PUM1: variants seen among roughly 807,000 people sequenced by gnomAD.
PUM1 encodes the protein pumilio RNA binding family member 1.
A neutral mutation model predicts 131.8 loss-of-function variants in PUM1; 13 were observed. That is an observed-to-expected ratio of 0.10 (90% confidence interval 0.06 to 0.16). PUM1 has a LOEUF of 0.16. PUM1 is among the 10% of genes least tolerant of loss of function. The pLI is 1.00. For synonymous variants in PUM1, 509 were observed against 556.5 expected (o/e 0.91, Z 1.20); for missense variants, 961 against 1,512.4 (o/e 0.64, Z 6.05).
rs1285706569 is a variant in PUM1, at chr1:30,966,057, T to C, written c.2011A>G (p.Thr671Ala). The C allele has an allele frequency of 3.1e-6, 5 of 1,614,010 alleles. No individual in the cohort carries two copies. Among genetic ancestry groups the C allele is most frequent in the Non-Finnish European group, 3.4e-6 (4 of 1,180,020 alleles). ...CTGCTACTTCCGAATCCCAAGGATG[T>C]GTTGGCAGGCTGGGCAGAGCCCTGG... ...FSQGSAQPAN[T>A]SLGFGSSSSL... is the part of the protein sequence containing the mutation. The change falls in exon 13 of 22, where the codon ACA becomes GCA. Residue 671 changes from threonine (T) to alanine (A), a missense_variant. Physicochemically the swap from Thr to Ala is moderately conservative, Grantham distance 58 (BLOSUM62 0). Transcript: ENST00000426105.
chr1:30,978,155 G>A (rs1031890007), intron 9 of PUM1, among the ~76,000 whole-genome samples: 3 of 152,088 alleles, frequency 2.0e-5, no homozygotes. Flanking sequence ...TGAGGTAGGA[G>A]AATCAATCAC....
intron 2 of PUM1, among the ~76,000 whole-genome samples, chr1:31,047,799 G>A (rs1292302414): frequency 6.6e-6 from 1 of 152,180 alleles, no homozygotes; most frequent in African/African-American, 2.4e-5. Flanking sequence ...AAAATTAGCT[G>A]GGCATGTTGG....
chr1:31,005,925 T>C lies in PUM1; in HGVS notation c.648A>G (p.Gly216=), dbSNP rs1557581908. The change falls in exon 5 of 22, where the codon GGA becomes GGG. Residue 216 remains glycine, a synonymous_variant. Transcript: ENST00000426105. ...CATACTCCACCATGCTAACGCCTAG[T>C]CCCCCACTCTCCGATCGTGGGGACA... ...SVLSPRSESG[G]LGVSMVEYVL... 6.2e-7 allele frequency: 1 copy of C among 1,613,664 alleles called. No homozygotes were observed. The highest frequency in any genetic ancestry group is 8.5e-7 in the Non-Finnish European group (1 of 1,179,848).
chr1:30,978,710 A>G (rs1641238259), intron 9 of PUM1, among the ~76,000 whole-genome samples: 1 of 152,234 alleles, frequency 6.6e-6, no homozygotes, highest in Non-Finnish European at 1.5e-5. Context: ...CCCATCATAC[A>G]TTTATGGTCC....
intron 5 of PUM1, among the ~76,000 whole-genome samples, chr1:31,002,333 C>T (rs1483898449): frequency 6.6e-6 from 1 of 152,144 alleles, no homozygotes; most frequent in African/African-American, 2.4e-5. Flanking sequence ...CTCTACAGAA[C>T]AAACAGAAAG....
intron 10 of PUM1, among the ~76,000 whole-genome samples, chr1:30,972,182 G>A (rs936037456): frequency 6.7e-6 from 1 of 148,354 alleles, no homozygotes; most frequent in Non-Finnish European, 1.5e-5. Context: ...TTGAACCTGG[G>A]AGGCGAAGGT....
At chr1:30,936,240 C>A (rs1639204278) in intron 21 of PUM1, among the ~76,000 whole-genome samples, 1 of 151,648 alleles carries the variant, frequency 6.6e-6, no homozygotes, top group South Asian at 2.1e-4. Context: ...AAGTCTGGCA[C>A]AGAGTGGGCT....
chr1:30,948,257 A>G (rs1639765324), intron 17 of PUM1, among the ~76,000 whole-genome samples: 1 of 152,202 alleles, frequency 6.6e-6, no homozygotes, highest in Non-Finnish European at 1.5e-5. Flanking sequence ...ATACTTATAA[A>G]CAAAATGAAG....
intron 2 of PUM1, among the ~76,000 whole-genome samples, chr1:31,052,599 T>A (rs1360991826): frequency 6.6e-6 from 1 of 151,974 alleles, no homozygotes; most frequent in Non-Finnish European, 1.5e-5. Flanking sequence ...ACTCCTGGCC[T>A]CAAGCAACCC....
At chr1:30,938,572 A>G (rs924651732) in intron 20 of PUM1, among the ~76,000 whole-genome samples, 3 of 152,116 alleles carry the variant, frequency 2.0e-5, no homozygotes, top group Non-Finnish European at 4.4e-5. Flanking sequence ...TCTTTTTAAA[A>G]TAAGATTCTC....
intron 5 of PUM1, among the ~76,000 whole-genome samples, chr1:31,005,527 C>G (rs995596563): frequency 2.0e-5 from 3 of 152,098 alleles, no homozygotes; most frequent in Admixed American, 2.0e-4. Flanking sequence ...TTCACCACCC[C>G]CCTTTTGCTT....
intron 5 of PUM1, among the ~76,000 whole-genome samples, chr1:31,004,611 T>TA (rs1642335023): frequency 6.6e-6 from 1 of 152,188 alleles, no homozygotes; most frequent in African/African-American, 2.4e-5. Context: ...AAACCTGACC[T>TA]AGGTCTCTGC....
At chr1:31,033,768 G>A (rs571694025) in intron 2 of PUM1, among the ~76,000 whole-genome samples, 7 of 152,074 alleles carry the variant, frequency 4.6e-5, no homozygotes, top group East Asian at 1.9e-4. Context: ...TCAGCCTCTC[G>A]AGTAGCCAGG....
rs1639472048 is a variant in PUM1, at chr1:30,942,194, TATATATATATATATATATATATATATA to T, written c.2995-98_2995-72del. 1.2e-3 allele frequency: 199 copies of T among 163,658 alleles called. 23 individuals carry two copies. The highest frequency in any genetic ancestry group is 9.1e-3 in the African/African-American group (126 of 13,904). The allele number at this position is 163,658 out of a possible 1,614,324, so 10.1% of individuals were successfully genotyped here. On this transcript the variant is annotated intron_variant, in intron 18 of 21. Transcript: ENST00000426105. ...ACCTTCAATGCTTCAGTATTGTTTATATATATATATATATATATATATATATATATATATATATATATGTATTATCCC... is the reference window on the plus strand; with the variant it reads ...ACCTTCAATGCTTCAGTATTGTTTATTATATATATATATATGTATTATCCC...
intron 5 of PUM1, among the ~76,000 whole-genome samples, chr1:31,000,145 A>G (rs371217352): frequency 6.6e-6 from 1 of 152,246 alleles, no homozygotes; most frequent in East Asian, 1.9e-4. Flanking sequence ...ATTGAGAACC[A>G]AGGTAATTAA....
intron 2 of PUM1, among the ~76,000 whole-genome samples, chr1:31,058,303 C>T (rs1644292025): frequency 6.6e-6 from 1 of 152,114 alleles, no homozygotes; most frequent in South Asian, 2.1e-4. Context: ...CTATAAACAA[C>T]CCTAGCAGTT....
At chr1:31,018,286 T>A (rs1274942641) in intron 3 of PUM1, among the ~76,000 whole-genome samples, 2 of 151,360 alleles carry the variant, frequency 1.3e-5, no homozygotes, top group African/African-American at 2.4e-5. Flanking sequence ...GAGGTGGAGG[T>A]TGCAGTGAGC....
chr1:31,040,880 T>C (rs985961562), intron 2 of PUM1, among the ~76,000 whole-genome samples: 1 of 151,630 alleles, frequency 6.6e-6, no homozygotes. Context: ...CACACACGAG[T>C]GCGTGAGCAA....
intron 3 of PUM1, among the ~76,000 whole-genome samples, chr1:31,022,713 C>T (rs1183915326): frequency 6.6e-6 from 1 of 152,154 alleles, no homozygotes; most frequent in Non-Finnish European, 1.5e-5. Flanking sequence ...CAGTCATTAA[C>T]CTAAAATAAG....
Sources: gnomAD v4.1 joint callset for allele counts (sites outside exome capture counted in the v4.1 genomes callset) on GRCh38, gnomAD v4.1.1 for gene constraint, MANE v1.5 for transcripts, NCBI Gene and HGNC (gene_info 2026-07-23, HGNC 2026-07-21) for gene names.